Variants in ARMC2 observed in about 807,000 individuals in gnomAD.
ARMC2 encodes the protein armadillo repeat containing 2, also known as armadillo repeat-containing protein 2.
A neutral mutation model predicts 90.3 loss-of-function variants in ARMC2; 67 were observed. The observed-to-expected ratio is 0.74, with a 90% CI of 0.61 to 0.91. The LOEUF (loss-of-function observed/expected upper bound fraction) is 0.91, where lower values mean the gene tolerates loss of function less well. Among genes scored for constraint, ARMC2 ranks in the 40% least tolerant of loss-of-function variants. The pLI, the probability that ARMC2 is intolerant of heterozygous loss-of-function variation, is 0.00. For synonymous variants in ARMC2, 393 were observed against 393.0 expected (o/e 1.00, Z 0.00); for missense variants, 920 against 1,030.9 (o/e 0.89, Z 1.47).
the ARMC2 span, among the ~76,000 whole-genome samples, chr6:108,979,980 A>AGCCTATTTC: frequency 3.3e-5 from 5 of 151,832 alleles, no homozygotes; most frequent in African/African-American, 1.2e-4. Flanking sequence ...CACCTTCTGA[A>AGCCTATTTC]GCCTATTTCT....
intron 4 of ARMC2, among the ~76,000 whole-genome samples, chr6:108,875,226 A>T (rs1209773053): frequency 6.6e-6 from 1 of 152,202 alleles, no homozygotes; most frequent in African/African-American, 2.4e-5. Flanking sequence ...ATCTGCAGTC[A>T]TGAGCAAAAA....
intron 8 of ARMC2, chr6:108,907,959 C>T (rs1772961312): frequency 8.6e-7 from 1 of 1,164,012 alleles, no homozygotes; most frequent in Admixed American, 2.4e-5. Context: ...TTTTAAATAC[C>T]TAATCATTAA....
At chr6:108,998,737 C>T in the ARMC2 span, 2 of 1,610,268 alleles carry the variant, frequency 1.2e-6, no homozygotes, top group African/African-American at 1.3e-5. Flanking sequence ...CAGCTGTGCT[C>T]TTCAGCTTTT....
the ARMC2 span, among the ~76,000 whole-genome samples, chr6:108,989,601 A>G: frequency 6.6e-6 from 1 of 151,280 alleles, no homozygotes; most frequent in Non-Finnish European, 1.5e-5. Flanking sequence ...AGATAGAGAG[A>G]GATAGATATC....
Position 108,926,921 on chromosome 6 carries a change from C to CTT in ARMC2, c.1351-1152_1351-1151dup, listed in dbSNP as rs34646224. On this transcript the variant is annotated intron_variant, in intron 10 of 17. Transcript: ENST00000392644. ...AAGACATGTACACATTTATTTGAAG[C>CTT]TTTTTTTTTTTTTTTTACATTTTCT... 7.9e-3 allele frequency among the ~76,000 whole-genome samples: 1,095 copies of CTT among 138,048 alleles called. 7 individuals are homozygous for CTT. The highest frequency in any genetic ancestry group is 0.018 in the African/African-American group (636 of 36,056). The allele number at this position is 138,048 out of a possible 152,430, so 90.6% of individuals were successfully genotyped here.
chr6:109,004,438 C>CT, the ARMC2 span, among the ~76,000 whole-genome samples: 3,274 of 142,626 alleles, frequency 0.023, 41 homozygotes, highest in African/African-American at 0.037. Flanking sequence ...CCCCAACAAT[C>CT]TTTTTTTTTT....
chr6:108,979,558 G>C, the ARMC2 span, among the ~76,000 whole-genome samples: 5 of 152,076 alleles, frequency 3.3e-5, no homozygotes, highest in African/African-American at 1.2e-4. Flanking sequence ...GATTGGGGAA[G>C]TTCTCCTGGT....
intron 10 of ARMC2, among the ~76,000 whole-genome samples, chr6:108,914,142 C>T (rs897279941): frequency 1.3e-4 from 20 of 152,152 alleles, no homozygotes; most frequent in African/African-American, 4.6e-4. Context: ...TCAACTATAT[C>T]ACTGTGTGTG....
rs115387551 is a variant in ARMC2 at position 108,863,120 on chromosome 6, C to T, written c.291+4849C>T. Among the ~76,000 whole-genome samples, 621 of 152,236 alleles carry T rather than the reference C, an allele frequency of 4.1e-3. 2 individuals are homozygous for T. The highest frequency in any genetic ancestry group is 0.014 in the African/African-American group (582 of 41,530). ...GGGGGTTCCTGTTAGCAGAAACACT[C>T]TGATTTGTAGGGTTTTGTTTGTTTG... is the stretch of plus-strand genomic sequence containing the variant. On this transcript the variant is annotated intron_variant, in intron 3 of 17. Transcript: ENST00000392644.
chr6:108,995,285 A>G, the ARMC2 span, among the ~76,000 whole-genome samples: 2 of 152,252 alleles, frequency 1.3e-5, no homozygotes, highest in African/African-American at 4.8e-5. Context: ...TACACAAAGT[A>G]TAAGTGATTT....
chr6:109,017,224 T>G, the ARMC2 span, among the ~76,000 whole-genome samples: 1 of 152,198 alleles, frequency 6.6e-6, no homozygotes, highest in Middle Eastern at 3.2e-3. Context: ...AACAGAAAAC[T>G]TGATACTATG....
chr6:108,968,993 C>A (rs1778570219), intron 17 of ARMC2, among the ~76,000 whole-genome samples: 1 of 152,156 alleles, frequency 6.6e-6, no homozygotes, highest in Non-Finnish European at 1.5e-5. Context: ...TGCTGAAGTT[C>A]TTAGTGGTGT....
chr6:108,911,017 T>C lies in ARMC2; in HGVS notation c.1126+16T>C. On this transcript the variant is annotated intron_variant, in intron 9 of 17. Transcript: ENST00000392644. ...AGCATTCTGGGTGAGTGTCATTCAG[T>C]GCTACTATTGAGCAAATGCTGTACT... 6.8e-7 allele frequency: 1 copy of C among 1,461,528 alleles called. No homozygotes were observed. Among genetic ancestry groups the C allele is most frequent in the Non-Finnish European group, 9.4e-7 (1 of 1,065,310 alleles). 90.5% of individuals were successfully genotyped at this position (1,461,528 alleles called of 1,614,324 possible). A position where few individuals can be genotyped will look rare whatever the true frequency, so the allele number is the denominator to read the frequency against.
At chr6:109,045,745 CTTACTAGTATATACCA>C in the ARMC2 span, among the ~76,000 whole-genome samples, 1 of 152,202 alleles carries the variant, frequency 6.6e-6, no homozygotes, top group African/African-American at 2.4e-5. Flanking sequence ...TTGCATGGCA[CTTACTAGTATATACCA>C]TAACTGCCTG....
intron 3 of ARMC2, among the ~76,000 whole-genome samples, chr6:108,867,523 T>C (rs1775939419): frequency 6.6e-6 from 1 of 152,180 alleles, no homozygotes; most frequent in African/African-American, 2.4e-5. Flanking sequence ...TCCCAGCACT[T>C]TGGGAGGCCA....
At chr6:108,854,073 G>C (rs1774279403) in intron 1 of ARMC2, among the ~76,000 whole-genome samples, 152 bp from the exon 2 acceptor site, 1 of 151,896 alleles carries the variant, frequency 6.6e-6, no homozygotes, top group African/African-American at 2.4e-5. Flanking sequence ...ACATTTTTGA[G>C]AGCTGTTCTC....
downstream of ARMC2, among the ~76,000 whole-genome samples, chr6:108,977,411 T>G (rs1779003595): frequency 6.6e-6 from 1 of 152,226 alleles, no homozygotes. Flanking sequence ...AGTATTTTAT[T>G]GAGGATTTTC....
the ARMC2 span, chr6:108,994,365 G>A: frequency 4.1e-6 from 4 of 970,304 alleles, no homozygotes; most frequent in South Asian, 7.1e-5. Context: ...TAAAAGGAAG[G>A]ACATATTTAG....
the ARMC2 span, chr6:108,998,843 CAT>C: frequency 7.1e-6 from 10 of 1,398,644 alleles, no homozygotes; most frequent in Non-Finnish European, 9.6e-6. Context: ...TTATTGAAAA[CAT>C]GAGTCATCAT....
Sources: gnomAD v4.1 joint callset for allele counts (sites outside exome capture counted in the v4.1 genomes callset) on GRCh38, gnomAD v4.1.1 for gene constraint, MANE v1.5 for transcripts, NCBI Gene and HGNC (gene_info 2026-07-23, HGNC 2026-07-21) for gene names.